Variants in TRIM32 observed in about 807,000 individuals in gnomAD.
TRIM32 encodes the protein tripartite motif containing 32.
Under a neutral mutation model 36.0 loss-of-function variants are expected in TRIM32, and 19 were observed. The observed-to-expected ratio is 0.53, with a 90% confidence interval of 0.37 to 0.77. The LOEUF is 0.77. Among genes scored for constraint, TRIM32 ranks in the 30% least tolerant of loss-of-function variants. TRIM32 has a pLI of 0.00. For synonymous variants in TRIM32, 309 were observed against 318.5 expected (o/e 0.97, Z 0.32); for missense variants, 747 against 845.2 (o/e 0.88, Z 1.44).
At position 116,699,586 on chromosome 9, in the gene TRIM32, G is replaced by A. The variant is rs1861070976; in HGVS notation, c.1844G>A (p.Gly615Glu). 5 of 1,614,088 alleles carry A rather than the reference G, an allele frequency of 3.1e-6. No individual in the cohort carries two copies. Among genetic ancestry groups the A allele is most frequent in the Non-Finnish European group, 4.2e-6 (5 of 1,180,034 alleles). Residue 615 changes from glycine (G) to glutamate (E), a missense_variant, in exon 2 of 2, where the codon GGA (glycine) becomes GAA (glutamate). By Grantham distance (98) the Gly-to-Glu change is moderately conservative (BLOSUM62 -2). Coordinates refer to ENST00000450136, the MANE Select transcript of TRIM32 (RefSeq NM_012210.4). The surrounding 1 kb of genome is among the most constrained non-coding windows in gnomAD (Gnocchi z 4.2). Reference sequence around the variant, plus strand: ...GGCTATAGTGTCCTTATTCGAGAGGGACTTACCTGTCCGGTGGGCATAGCC... The same window carrying A: ...GGCTATAGTGTCCTTATTCGAGAGGAACTTACCTGTCCGGTGGGCATAGCC... Reference protein sequence around the residue: ...GGGYSVLIREGLTCPVGIALT... With the variant: ...GGGYSVLIREELTCPVGIALT...
chr9:116,699,184 G>T lies in TRIM32; in HGVS notation c.1442G>T (p.Gly481Val). ...TGGGGTATCACAGCCTTGCCATCTG[G>T]CCAGTTTGTAGTAACCGATGTGGAA... ...KPWGITALPS[G>V]QFVVTDVEGG... is the part of the protein sequence containing the mutation. Residue 481 changes from glycine (G) to valine (V), a missense_variant, in exon 2 of 2, where the codon GGC becomes GTC. Physicochemically the swap from Gly to Val is moderately radical, Grantham distance 109. Coordinates refer to ENST00000450136, the MANE Select transcript of TRIM32 (RefSeq NM_012210.4). The surrounding 1 kb of genome is among the most constrained non-coding windows in gnomAD (Gnocchi z 4.2). The T allele has an allele frequency of 3.7e-6, 6 of 1,614,240 alleles. No homozygotes were observed. Among genetic ancestry groups the T allele is most frequent in the Non-Finnish European group, 5.1e-6 (6 of 1,180,048 alleles).
rs564184168 is a variant in TRIM32, at chr9:116,701,147, C to G, written c.*1443C>G. ...CTTACTCTAGGTGCAGGGCTGATGG[C>G]AAGCCAAAGAGCAACTGCCTTACTT... On this transcript the variant is annotated 3_prime_UTR_variant, in exon 2 of 2. Transcript: ENST00000450136. The G allele has an allele frequency of 6.0e-6, 1 of 167,034 alleles. No homozygotes were observed. Among genetic ancestry groups the G allele is most frequent in the South Asian group, 2.1e-4 (1 of 4,824 alleles). 10.3% of individuals were successfully genotyped at this position (167,034 alleles called of 1,614,324 possible). A position where few individuals can be genotyped will look rare whatever the true frequency, so the allele number is the denominator to read the frequency against.
Position 116,697,752 on chromosome 9 carries a change from G to A in TRIM32, c.10G>A (p.Ala4Thr). Reference protein sequence around the residue: MAAAAASHLNLDAL... With the variant: MAATAASHLNLDAL... ...CTTCAAAGGAAGAGCAATGGCTGCA[G>A]CAGCAGCTTCTCACCTGAACCTGGA... Residue 4 changes from alanine (A) to threonine (T), a missense_variant, in exon 2 of 2, where the codon GCA becomes ACA. By Grantham distance (58) the Ala-to-Thr change is moderately conservative. Transcript: ENST00000450136. 7.4e-6 allele frequency: 12 copies of A among 1,614,028 alleles called. No individual in the cohort carries two copies. The highest frequency in any genetic ancestry group is 8.5e-6 in the Non-Finnish European group (10 of 1,180,026).
chr9:116,699,036 C>T lies in TRIM32; in HGVS notation c.1294C>T (p.Leu432Phe), dbSNP rs142997889. ...GGCAGATCTACCCAACCTCACTCCTCTCTCAGTGGCAATGAACTGCCAGGG... is the reference window on the plus strand; with the variant it reads ...GGCAGATCTACCCAACCTCACTCCTTTCTCAGTGGCAATGAACTGCCAGGG... ...LGADLPNLTP[L>F]SVAMNCQGLI... Residue 432 changes from leucine to phenylalanine, a missense_variant, in exon 2 of 2, where the codon CTC becomes TTC. By Grantham distance (22) the Leu-to-Phe change is conservative. Transcript: ENST00000450136. This position sits in a 1 kb window ranked among gnomAD's most constrained non-coding sequence, Gnocchi z 4.2. 6.2e-7 allele frequency: 1 copy of T among 1,614,198 alleles called. No individual in the cohort carries two copies. Among genetic ancestry groups the T allele is most frequent in the Non-Finnish European group, 8.5e-7 (1 of 1,180,044 alleles).
Position 116,698,014 on chromosome 9 carries a change from T to C in TRIM32, c.272T>C (p.Leu91Pro). ...TVLKIIDTAG[L>P]SEAVGLLMCR... ...CTAAAGATCATTGATACAGCTGGGC[T>C]CAGCGAGGCTGTGGGGCTGCTCATG... Residue 91 changes from leucine to proline, a missense_variant, in exon 2 of 2, where the codon CTC (leucine) becomes CCC (proline). Physicochemically the swap from Leu to Pro is moderately conservative, Grantham distance 98. Coordinates refer to ENST00000450136, the MANE Select transcript of TRIM32 (RefSeq NM_012210.4). This position sits in a 1 kb window ranked among gnomAD's most constrained non-coding sequence, Gnocchi z 4.4. 6.2e-7 allele frequency: 1 copy of C among 1,614,114 alleles called. No individual in the cohort carries two copies. The highest frequency in any genetic ancestry group is 8.5e-7 in the Non-Finnish European group (1 of 1,180,046).
chr9:116,689,844 G>C (rs1860475052), intron 1 of TRIM32, among the ~76,000 whole-genome samples: 1 of 152,134 alleles, frequency 6.6e-6, no homozygotes, highest in Non-Finnish European at 1.5e-5. Flanking sequence ...AGGTGCAACG[G>C]ACTATAGGGT....
intron 1 of TRIM32, among the ~76,000 whole-genome samples, chr9:116,695,099 AT>A (rs1488037076): frequency 6.6e-6 from 1 of 152,172 alleles, no homozygotes; most frequent in Non-Finnish European, 1.5e-5. Flanking sequence ...ACATTAGTTA[AT>A]CATTGTTATG....
At position 116,697,721 on chromosome 9, in the gene TRIM32, A is replaced by C; in HGVS notation, c.-22A>C. Reference sequence around the variant, plus strand: ...CTGTTCAGTTCTGAGCTGTGCTAGCAATACCCTTCAAAGGAAGAGCAATGG... The same window carrying C: ...CTGTTCAGTTCTGAGCTGTGCTAGCCATACCCTTCAAAGGAAGAGCAATGG... On this transcript the variant is annotated 5_prime_UTR_variant, in exon 2 of 2. Coordinates refer to ENST00000450136, the MANE Select transcript of TRIM32 (RefSeq NM_012210.4). 6.2e-7 allele frequency: 1 copy of C among 1,613,466 alleles called. No individual in the cohort carries two copies. Among genetic ancestry groups the C allele is most frequent in the Non-Finnish European group, 8.5e-7 (1 of 1,180,014 alleles).
At chr9:116,693,399 G>GA (rs1176932248) in intron 1 of TRIM32, among the ~76,000 whole-genome samples, 2 of 152,150 alleles carry the variant, frequency 1.3e-5, no homozygotes, top group Non-Finnish European at 2.9e-5. Flanking sequence ...ATGGAATGGG[G>GA]AAAACCCAGT....
intron 1 of TRIM32, among the ~76,000 whole-genome samples, chr9:116,694,831 A>G (rs1588210709): frequency 6.6e-6 from 1 of 151,884 alleles, no homozygotes; most frequent in African/African-American, 2.4e-5. Flanking sequence ...GGCATTTAAG[A>G]ATTTACCATT....
chr9:116,697,006 G>A lies in TRIM32; in HGVS notation c.-81-656G>A, dbSNP rs577072407. On this transcript the variant is annotated intron_variant, in intron 1 of 1. Coordinates refer to ENST00000450136, the MANE Select transcript of TRIM32 (RefSeq NM_012210.4). ...GCTTACATGGTTTTCTTTGCTTAAA[G>A]TACCTTTATCCTCATTCCTTCATTT... Among the ~76,000 whole-genome samples, 3 of 146,904 alleles carry A rather than the reference G, an allele frequency of 2.0e-5. No homozygotes were observed. In the East Asian group the frequency reaches 6.0e-4, roughly 29 times the overall value.
chr9:116,695,998 G>A (rs533301609), intron 1 of TRIM32, among the ~76,000 whole-genome samples: 1 of 151,946 alleles, frequency 6.6e-6, no homozygotes, highest in Non-Finnish European at 1.5e-5. Flanking sequence ...CTATACTTCT[G>A]GATATTGCTC....
rs759742371 is a variant in TRIM32, at chr9:116,698,631, A to G, written c.889A>G (p.Lys297Glu). ...GPLQIGQAVKKPRTVNVEDSW... is the reference protein window; with the variant it reads ...GPLQIGQAVKEPRTVNVEDSW... Reference sequence around the variant, plus strand: ...CCTCCAAATTGGACAAGCTGTTAAGAAGCCCCGGACAGTTAACGTGGAAGA... The same window carrying G: ...CCTCCAAATTGGACAAGCTGTTAAGGAGCCCCGGACAGTTAACGTGGAAGA... The change falls in exon 2 of 2, where the codon AAG (lysine) becomes GAG (glutamate). Residue 297 changes from lysine to glutamate, a missense_variant. Lys to Glu is a moderately conservative substitution (Grantham distance 56, BLOSUM62 1). Coordinates refer to ENST00000450136, the MANE Select transcript of TRIM32 (RefSeq NM_012210.4). This position sits in a 1 kb window ranked among gnomAD's most constrained non-coding sequence, Gnocchi z 4.4. The G allele has an allele frequency of 3.7e-5, 59 of 1,614,030 alleles. No individual in the cohort carries two copies. The Admixed American group carries it at 9.8e-4, about 27-fold the overall frequency.
rs2132070452 is a variant in TRIM32, at chr9:116,697,901, C to T, written c.159C>T (p.Ala53=). ...GCCAGTGCCTGGAGAAGCTATTGGC[C>T]AGTAGCATCAATGGTGTCCGCTGTC... The part of the protein sequence containing the change: ...ICRQCLEKLL[A]SSINGVRCPF... The change falls in exon 2 of 2, where the codon GCC becomes GCT. Residue 53 remains alanine, a synonymous_variant. Transcript: ENST00000450136. 6.2e-7 allele frequency: 1 copy of T among 1,614,176 alleles called. No individual in the cohort carries two copies. The highest frequency in any genetic ancestry group is 8.5e-7 in the Non-Finnish European group (1 of 1,180,028).
rs768336228 is a variant in TRIM32 at position 116,698,268 on chromosome 9, GAC to G, written c.527_528del (p.Asp176AlafsTer6). ...GGCAGCCTTGGAAGGTGTCTCCAAG[GAC>G]CTTCAGGCAAGGTATAAAGCAGTTC... is the stretch of plus-strand genomic sequence containing the variant. ...RKAALEGVSK[D>X]LQARYKAVLQ... is the part of the protein sequence containing the mutation. On this transcript the variant is annotated frameshift_variant, in exon 2 of 2. Coordinates refer to ENST00000450136, the MANE Select transcript of TRIM32 (RefSeq NM_012210.4). LOFTEE classifies it high-confidence loss of function. This position sits in a 1 kb window ranked among gnomAD's most constrained non-coding sequence, Gnocchi z 4.4. 6.2e-7 allele frequency: 1 copy of G among 1,614,166 alleles called. No homozygotes were observed. Among genetic ancestry groups the G allele is most frequent in the Admixed American group, 1.7e-5 (1 of 60,032 alleles).
Position 116,698,947 on chromosome 9 carries a change from G to T in TRIM32, c.1205G>T (p.Gly402Val). 6.2e-7 allele frequency: 1 copy of T among 1,614,180 alleles called. No homozygotes were observed. The highest frequency in any genetic ancestry group is 8.5e-7 in the Non-Finnish European group (1 of 1,180,044). ...CGTATACAAGTCTTTACCCGCAAAGGCTTTTTGAAGGAAATCCGCCGCAGC... is the reference window on the plus strand; with the variant it reads ...CGTATACAAGTCTTTACCCGCAAAGTCTTTTTGAAGGAAATCCGCCGCAGC... ...NYRIQVFTRK[G>V]FLKEIRRSPS... is the part of the protein sequence containing the mutation. Residue 402 changes from glycine (G) to valine (V), a missense_variant, in exon 2 of 2, where the codon GGC becomes GTC. Coordinates refer to ENST00000450136, the MANE Select transcript of TRIM32 (RefSeq NM_012210.4). This position sits in a 1 kb window ranked among gnomAD's most constrained non-coding sequence, Gnocchi z 4.4.
At chr9:116,691,599 G>A (rs1860568203) in intron 1 of TRIM32, among the ~76,000 whole-genome samples, 1 of 152,122 alleles carries the variant, frequency 6.6e-6, no homozygotes, top group East Asian at 1.9e-4. Context: ...CCCCAGACTG[G>A]TACAACTTCA....
chr9:116,698,265 A>G lies in TRIM32; in HGVS notation c.523A>G (p.Lys175Glu). 1 of 1,614,146 alleles carries G rather than the reference A, an allele frequency of 6.2e-7. No homozygotes were observed. Among genetic ancestry groups the G allele is most frequent in the Non-Finnish European group, 8.5e-7 (1 of 1,180,020 alleles). ...GAAGGCAGCCTTGGAAGGTGTCTCC[A>G]AGGACCTTCAGGCAAGGTATAAAGC... ...RRKAALEGVS[K>E]DLQARYKAVL... is the part of the protein sequence containing the mutation. Residue 175 changes from lysine to glutamate, a missense_variant, in exon 2 of 2, where the codon AAG (lysine) becomes GAG (glutamate). Physicochemically the swap from Lys to Glu is moderately conservative, Grantham distance 56. Coordinates refer to ENST00000450136, the MANE Select transcript of TRIM32 (RefSeq NM_012210.4). The surrounding 1 kb of genome is among the most constrained non-coding windows in gnomAD (Gnocchi z 4.4).
Position 116,699,593 on chromosome 9 carries a change from C to T in TRIM32, c.1851C>T (p.Thr617=). 1 of 1,614,212 alleles carries T rather than the reference C, an allele frequency of 6.2e-7. No homozygotes were observed. The change falls in exon 2 of 2, where the codon ACC becomes ACT. Residue 617 remains threonine, a synonymous_variant. Coordinates refer to ENST00000450136, the MANE Select transcript of TRIM32 (RefSeq NM_012210.4). The surrounding 1 kb of genome is among the most constrained non-coding windows in gnomAD (Gnocchi z 4.2). ...GTGTCCTTATTCGAGAGGGACTTACCTGTCCGGTGGGCATAGCCCTAACTC... is the reference window on the plus strand; with the variant it reads ...GTGTCCTTATTCGAGAGGGACTTACTTGTCCGGTGGGCATAGCCCTAACTC... ...GYSVLIREGL[T]CPVGIALTPK...
Sources: gnomAD v4.1 joint callset for allele counts (sites outside exome capture counted in the v4.1 genomes callset) on GRCh38, gnomAD v4.1.1 for gene constraint, Gnocchi (gnomAD v3.1) non-coding constraint, MANE v1.5 for transcripts, NCBI Gene and HGNC (gene_info 2026-07-23, HGNC 2026-07-21) for gene names.